ASB3: variants seen among roughly 807,000 people sequenced by gnomAD.
The protein encoded by ASB3 is ankyrin repeat and SOCS box containing 3.
In ASB3, 41 loss-of-function variants were observed where a neutral mutation model predicts 54.5. That is an observed-to-expected ratio of 0.75 (90% CI 0.59 to 0.98). The LOEUF is 0.98. ASB3 is among the 50% of genes least tolerant of loss of function. The pLI is 0.00. For synonymous variants in ASB3, 266 were observed against 221.2 expected, an observed-to-expected ratio of 1.20 and a Z score of -1.80; for missense variants, 733 against 620.0, an observed-to-expected ratio of 1.18 and a Z score of -1.94.
chr2:53,750,521 G>C (rs1179469019), intron 3 of ASB3, among the ~76,000 whole-genome samples: 4 of 152,068 alleles, frequency 2.6e-5, no homozygotes, highest in Non-Finnish European at 5.9e-5. Context: ...ACTACAGTGA[G>C]AACAATGATG....
rs370694148 is a variant in ASB3 at position 53,767,892 on chromosome 2, G to C, written c.-13-2307C>G. On this transcript the variant is annotated intron_variant, in intron 1 of 9. Transcript: ENST00000263634. ...GGCAGAGGAGCCGCGAGAAGATGTG[G>C]GTTTTTGGTTACGGGTCCCTGATCT... 6.5e-5 allele frequency: 104 copies of C among 1,610,772 alleles called. No individual in the cohort carries two copies. Among genetic ancestry groups the C allele is most frequent in the Non-Finnish European group, 8.5e-5 (100 of 1,178,720 alleles).
intron 1 of ASB3, among the ~76,000 whole-genome samples, chr2:53,766,546 TG>T (rs1437003067): frequency 6.6e-6 from 1 of 152,156 alleles, no homozygotes; most frequent in East Asian, 1.9e-4. Flanking sequence ...GTAGAGTATG[TG>T]GCAGTAAAAT....
intron 9 of ASB3, among the ~76,000 whole-genome samples, chr2:53,673,748 T>G (rs1423086550): frequency 6.6e-6 from 1 of 152,190 alleles, no homozygotes. Context: ...TATCATAAAT[T>G]TCAGAATATC....
chr2:53,716,932 G>A (rs556586492), intron 5 of ASB3, among the ~76,000 whole-genome samples, 189 bp from the exon 6 acceptor site: 5 of 152,088 alleles, frequency 3.3e-5, no homozygotes, highest in South Asian at 4.2e-4. Context: ...AATTGTCTTC[G>A]CTAAACTGAC....
chr2:53,677,079 T>C (rs1208946555), intron 9 of ASB3, among the ~76,000 whole-genome samples: 1 of 152,144 alleles, frequency 6.6e-6, no homozygotes, highest in Non-Finnish European at 1.5e-5. Context: ...TATACTGTAT[T>C]TTTACTGTAC....
intron 3 of ASB3, among the ~76,000 whole-genome samples, chr2:53,745,879 G>C (rs1331032194): frequency 6.6e-6 from 1 of 152,210 alleles, no homozygotes; most frequent in Non-Finnish European, 1.5e-5. Flanking sequence ...AACTAGTCCA[G>C]CTACTCTTCC....
At chr2:53,754,108 C>T (rs574395474) in intron 2 of ASB3, among the ~76,000 whole-genome samples, 1 of 152,070 alleles carries the variant, frequency 6.6e-6, no homozygotes, top group Non-Finnish European at 1.5e-5. Context: ...GCAAAAGAGA[C>T]AATAGGAGCC....
At chr2:53,697,462 C>T (rs1018466667) in intron 8 of ASB3, among the ~76,000 whole-genome samples, 1 of 151,664 alleles carries the variant, frequency 6.6e-6, no homozygotes, top group Non-Finnish European at 1.5e-5. Context: ...GGACTTGCCC[C>T]GAATTCTTTC....
chr2:53,693,015 T>A (rs1347880150), intron 9 of ASB3, among the ~76,000 whole-genome samples: 5 of 152,198 alleles, frequency 3.3e-5, no homozygotes, highest in Non-Finnish European at 5.9e-5. Flanking sequence ...AAAATTTACT[T>A]AAATGTAATT....
chr2:53,729,460 GA>G lies in ASB3; in HGVS notation c.465del (p.Gln156ArgfsTer7). On this transcript the variant is annotated frameshift_variant, in exon 4 of 10. Transcript: ENST00000263634. LOFTEE classifies it high-confidence loss of function. ...GAAATAATAAATTCAGAGGTTACCT[GA>G]AAAGAAGCCTGGTGCAAGGAGTTCC... ...CGWNSLHQAS[F>X]QENAEIIKLL... The G allele has an allele frequency of 6.2e-7, 1 of 1,613,600 alleles. No individual in the cohort carries two copies.
chr2:53,784,832 G>T (rs979360331), intron 1 of ASB3, among the ~76,000 whole-genome samples: 1 of 152,104 alleles, frequency 6.6e-6, no homozygotes, highest in Non-Finnish European at 1.5e-5. Flanking sequence ...GGTTCTAGGG[G>T]ATAGGACTTA....
intron 5 of ASB3, among the ~76,000 whole-genome samples, chr2:53,719,884 G>C (rs1670603264): frequency 6.6e-6 from 1 of 152,236 alleles, no homozygotes; most frequent in East Asian, 1.9e-4. Flanking sequence ...CAATGTGAAA[G>C]GAAAATAAAT....
intron 7 of ASB3, among the ~76,000 whole-genome samples, chr2:53,703,570 G>A (rs1435970382): frequency 6.6e-6 from 1 of 152,174 alleles, no homozygotes; most frequent in Non-Finnish European, 1.5e-5. Flanking sequence ...CTGCACTCCA[G>A]CCTGGGCAAC....
intron 7 of ASB3, among the ~76,000 whole-genome samples, chr2:53,707,921 C>T (rs1243626082): frequency 6.9e-6 from 1 of 145,296 alleles, no homozygotes; most frequent in Non-Finnish European, 1.5e-5. Context: ...GAGATGGTGT[C>T]ACTGCCCTCC....
At chr2:53,720,234 C>G (rs940987095) in intron 5 of ASB3, among the ~76,000 whole-genome samples, 4 of 151,904 alleles carry the variant, frequency 2.6e-5, no homozygotes, top group Non-Finnish European at 5.9e-5. Context: ...CAGACAGAAC[C>G]AATGTATATC....
chr2:53,685,243 T>C (rs753523954), intron 9 of ASB3, among the ~76,000 whole-genome samples: 7 of 152,204 alleles, frequency 4.6e-5, no homozygotes, highest in Non-Finnish European at 1.0e-4. Flanking sequence ...TGAAGTCAAG[T>C]AAGTCAGAAA....
chr2:53,687,611 T>C (rs1313568825), intron 9 of ASB3, among the ~76,000 whole-genome samples: 1 of 152,166 alleles, frequency 6.6e-6, no homozygotes, highest in Non-Finnish European at 1.5e-5. Flanking sequence ...ATAGACAAAC[T>C]GCACAGTTTA....
intron 2 of ASB3, among the ~76,000 whole-genome samples, chr2:53,759,362 G>T (rs758839030): frequency 2.0e-5 from 3 of 152,180 alleles, no homozygotes; most frequent in Non-Finnish European, 4.4e-5. Flanking sequence ...AGACACTAAG[G>T]GAGGCTTTGA....
intron 3 of ASB3, among the ~76,000 whole-genome samples, chr2:53,731,731 C>T (rs1047217609): frequency 6.6e-6 from 1 of 152,148 alleles, no homozygotes; most frequent in Admixed American, 6.5e-5. Context: ...CAGCTCACTA[C>T]AACCTCTGCC....
Sources: allele counts gnomAD v4.1 joint callset (sites outside exome capture counted in the v4.1 genomes callset), GRCh38; gene constraint gnomAD v4.1.1; transcripts MANE v1.5; gene names NCBI Gene and HGNC (gene_info 2026-07-23, HGNC 2026-07-21).